The following CLSTN2 variants were observed in gnomAD, a reference collection of about 807,000 sequenced individuals.
CLSTN2 encodes the protein calsyntenin-2.
A neutral mutation model predicts 101.2 loss-of-function variants in CLSTN2; 48 were observed. The ratio of observed to expected loss-of-function variants is 0.47; its 90% confidence interval spans 0.38 to 0.60. CLSTN2 has a LOEUF of 0.60. Ranked by LOEUF, CLSTN2 falls within the 20% of genes least tolerant of loss-of-function variation. The probability of loss-of-function intolerance (pLI) is 0.00; values close to 1 mark genes in which losing one functional copy is unlikely to be tolerated. For synonymous variants in CLSTN2, 481 were observed against 463.6 expected (o/e 1.04, Z -0.48); for missense variants, 1,160 against 1,238.2 (o/e 0.94, Z 0.95).
Position 140,558,710 on chromosome 3 carries a change from G to A in CLSTN2, c.1894G>A (p.Glu632Lys), listed in dbSNP as rs769119412. 5.6e-6 allele frequency: 9 copies of A among 1,613,964 alleles called. No individual in the cohort carries two copies. Among genetic ancestry groups the A allele is most frequent in the East Asian group, 2.2e-5 (1 of 44,870 alleles). The change falls in exon 12 of 17, where the codon GAG becomes AAG. Residue 632 changes from glutamate to lysine, a missense_variant. By Grantham distance (56) the Glu-to-Lys change is moderately conservative. Transcript: ENST00000458420. ...DAYVMVLQAI[E>K]PRITLRGTDH... is the part of the protein sequence containing the mutation. ...CTATGTGATGGTCCTCCAGGCCATC[G>A]AGCCCCGGATCACCCTCCGGGGCAC... is the stretch of plus-strand genomic sequence containing the variant.
rs535288976 is a variant in CLSTN2 at position 140,058,802 on chromosome 3, G to T, written c.110-117149G>T. ...TGACAAAAAAAAAAAAAGGTCAGGTGGGGTCCAAGACAGAATGAAGGTGAG... is the reference window on the plus strand; with the variant it reads ...TGACAAAAAAAAAAAAAGGTCAGGTTGGGTCCAAGACAGAATGAAGGTGAG... On this transcript the variant is annotated intron_variant, in intron 1 of 16. Coordinates refer to ENST00000458420, the MANE Select transcript of CLSTN2 (RefSeq NM_022131.3). Among the ~76,000 whole-genome samples, 12 of 152,102 alleles carry T rather than the reference G, an allele frequency of 7.9e-5. 1 individual carries two copies. The South Asian group carries it at 2.5e-3, about 32-fold the overall frequency.
At chr3:140,557,957 A>G (rs1935832183) in intron 11 of CLSTN2, among the ~76,000 whole-genome samples, 1 of 152,232 alleles carries the variant, frequency 6.6e-6, no homozygotes, top group East Asian at 1.9e-4. Flanking sequence ...ACTATAGGAC[A>G]AAATTATTGT....
At position 140,158,174 on chromosome 3, in the gene CLSTN2, G is replaced by A. The variant is rs902346834; in HGVS notation, c.110-17777G>A. 9.9e-5 allele frequency among the ~76,000 whole-genome samples: 15 copies of A among 152,038 alleles called. 1 individual carries two copies. Among genetic ancestry groups the A allele is most frequent in the South Asian group, 2.1e-4 (1 of 4,822 alleles). ...CTAAGGATGCCCACACTTACCACTCGTATTCAACATAGTACTGGAAGTCCT... is the reference window on the plus strand; with the variant it reads ...CTAAGGATGCCCACACTTACCACTCATATTCAACATAGTACTGGAAGTCCT... On this transcript the variant is annotated intron_variant, in intron 1 of 16. Transcript: ENST00000458420.
At chr3:139,991,926 A>G (rs1257533572) in intron 1 of CLSTN2, among the ~76,000 whole-genome samples, 1 of 152,146 alleles carries the variant, frequency 6.6e-6, no homozygotes, top group Non-Finnish European at 1.5e-5. Context: ...TTTTGGGTCT[A>G]ATAAGGAGAG....
At chr3:140,548,145 T>G (rs890440052) in intron 10 of CLSTN2, among the ~76,000 whole-genome samples, 1 of 152,216 alleles carries the variant, frequency 6.6e-6, no homozygotes. Flanking sequence ...CTGAGAGTAT[T>G]CTTTAAATTG....
At position 140,570,354 on chromosome 3, in the gene CLSTN2, A is replaced by G. The variant is rs1290253758; in HGVS notation, c.*4101A>G. ...ATTATTCCTTGAACAATACAGTTTAACAGGATTTACATAGCATTTACACTG... is the reference window on the plus strand; with the variant it reads ...ATTATTCCTTGAACAATACAGTTTAGCAGGATTTACATAGCATTTACACTG... On this transcript the variant is annotated 3_prime_UTR_variant, in exon 17 of 17. Transcript: ENST00000458420. The G allele has an allele frequency of 2.6e-5, 4 of 152,234 alleles. No individual in the cohort carries two copies. Among genetic ancestry groups the G allele is most frequent in the Non-Finnish European group, 5.9e-5 (4 of 68,050 alleles). The allele number at this position is 152,234 out of a possible 1,614,324, so 9.4% of individuals were successfully genotyped here.
chr3:139,984,524 GA>G (rs1450644800), intron 1 of CLSTN2, among the ~76,000 whole-genome samples: 5 of 151,966 alleles, frequency 3.3e-5, no homozygotes, highest in African/African-American at 1.2e-4. Context: ...TAACATTGTT[GA>G]CCACCTCTTC....
chr3:140,500,760 C>T (rs759439350), intron 8 of CLSTN2, among the ~76,000 whole-genome samples: 2 of 152,148 alleles, frequency 1.3e-5, no homozygotes, highest in African/African-American at 2.4e-5. Context: ...TATACCCACT[C>T]ATCCTCCCAG....
intron 2 of CLSTN2, among the ~76,000 whole-genome samples, chr3:140,182,181 T>G (rs140509591): frequency 7.2e-4 from 110 of 152,296 alleles, no homozygotes; most frequent in African/African-American, 2.6e-3. Flanking sequence ...AAGCTAGAAT[T>G]TTAATAATAT....
At chr3:140,335,605 CA>C (rs11353348) in intron 2 of CLSTN2, among the ~76,000 whole-genome samples, 10,717 of 152,190 alleles carry the variant, frequency 0.07, 1,259 homozygotes, top group African/African-American at 0.24. Flanking sequence ...GCTAGGGTTT[CA>C]AAGAGAGTTG....
Position 140,332,705 on chromosome 3 carries a change from C to CAA in CLSTN2, c.233-70909_233-70908dup, listed in dbSNP as rs66752830. 3.6e-5 allele frequency among the ~76,000 whole-genome samples: 5 copies of CAA among 139,286 alleles called. No individual in the cohort carries two copies. The East Asian group carries it at 9.2e-4, about 26-fold the overall frequency. 91.4% of individuals were successfully genotyped at this position (139,286 alleles called of 152,430 possible). ...GCTTGTTTTTTCTTTTCTTTTCTGG[C>CAA]AAAAAAAAAAAAAAAATTATAGGAA... On this transcript the variant is annotated intron_variant, in intron 2 of 16. Transcript: ENST00000458420.
Position 140,566,130 on chromosome 3 carries a change from C to T in CLSTN2, c.2745C>T (p.Ser915=). The stretch of plus-strand genomic sequence containing the variant: ...AAGAAGCCGAGGAAGAAATGAGCTC[C>T]AGCAGTGGCTCTGACGACAGCGAAG... ...EEEEAEEEMS[S]SSGSDDSEEE... is the part of the protein sequence containing the mutation. The change falls in exon 17 of 17, where the codon TCC becomes TCT. Residue 915 remains serine (S), a synonymous_variant. Coordinates refer to ENST00000458420, the MANE Select transcript of CLSTN2 (RefSeq NM_022131.3). The T allele has an allele frequency of 6.2e-7, 1 of 1,611,640 alleles. No homozygotes were observed. Among genetic ancestry groups the T allele is most frequent in the East Asian group, 2.2e-5 (1 of 44,818 alleles).
At position 140,564,117 on chromosome 3, in the gene CLSTN2, C is replaced by T. The variant is rs367574964; in HGVS notation, c.2639C>T (p.Ala880Val). The change falls in exon 16 of 17, where the codon GCG becomes GTG. Residue 880 changes from alanine (A) to valine (V), a missense_variant. Ala to Val is a moderately conservative substitution (Grantham distance 64). Coordinates refer to ENST00000458420, the MANE Select transcript of CLSTN2 (RefSeq NM_022131.3). ...KESEMDWDDS[A>V]LTITVNPMEK... is the part of the protein sequence containing the mutation. ...TCTGAGATGGACTGGGACGATTCTG[C>T]GCTGACTATCACAGTCAACCCCATG... 7.7e-5 allele frequency: 124 copies of T among 1,614,074 alleles called. No homozygotes were observed. The highest frequency in any genetic ancestry group is 4.9e-4 in the Middle Eastern group (3 of 6,062).
At chr3:139,966,014 G>A (rs1935592345) in intron 1 of CLSTN2, among the ~76,000 whole-genome samples, 1 of 152,178 alleles carries the variant, frequency 6.6e-6, no homozygotes, top group South Asian at 2.1e-4. Context: ...AACACAGCCA[G>A]GTGCTAGAAG....
intron 2 of CLSTN2, among the ~76,000 whole-genome samples, chr3:140,358,428 C>G (rs560762541): frequency 6.6e-6 from 1 of 152,210 alleles, no homozygotes; most frequent in East Asian, 1.9e-4. Context: ...GCCTGAAAGA[C>G]CTACCACACT....
intron 1 of CLSTN2, among the ~76,000 whole-genome samples, chr3:139,995,109 C>A (rs1392605644): frequency 6.6e-6 from 1 of 152,120 alleles, no homozygotes; most frequent in Non-Finnish European, 1.5e-5. Context: ...CTGATATCAG[C>A]CATGCCCACG....
At chr3:140,177,955 G>A (rs901312077) in intron 2 of CLSTN2, among the ~76,000 whole-genome samples, 1 of 152,038 alleles carries the variant, frequency 6.6e-6, no homozygotes, top group South Asian at 2.1e-4. Flanking sequence ...TATATGCAGA[G>A]GCCCTTCCAC....
chr3:139,940,038 C>G (rs1013815293), intron 1 of CLSTN2, among the ~76,000 whole-genome samples: 3 of 152,178 alleles, frequency 2.0e-5, no homozygotes, highest in Non-Finnish European at 4.4e-5. Context: ...CTGGTTACTT[C>G]TGAGTGACTT....
Position 140,566,802 on chromosome 3 carries a change from T to TTCTCTC in CLSTN2, c.*565_*570dup, listed in dbSNP as rs10662926. The TTCTCTC allele has an allele frequency of 0.038, 5,772 of 151,902 alleles. 143 individuals are homozygous for TTCTCTC. The highest frequency in any genetic ancestry group is 0.062 in the Middle Eastern group (18 of 290). 9.4% of individuals were successfully genotyped at this position (151,902 alleles called of 1,614,324 possible). ...AAGTTTACAGGGAAAGGTACACACA[T>TTCTCTC]TCTCTCTCTCTCTCTCTCTCTGTCT... is the stretch of plus-strand genomic sequence containing the variant. On this transcript the variant is annotated 3_prime_UTR_variant, in exon 17 of 17. Coordinates refer to ENST00000458420, the MANE Select transcript of CLSTN2 (RefSeq NM_022131.3).
Sources: gnomAD v4.1 joint callset for allele counts (sites outside exome capture counted in the v4.1 genomes callset) on GRCh38, gnomAD v4.1.1 for gene constraint, MANE v1.5 for transcripts, NCBI Gene and HGNC (gene_info 2026-07-23, HGNC 2026-07-21) for gene names.